SLC10A6: variants seen among roughly 807,000 people sequenced by gnomAD.
The protein encoded by SLC10A6 is solute carrier family 10 member 6.
A neutral mutation model predicts 30.0 loss-of-function variants in SLC10A6; 27 were observed. That is an observed-to-expected ratio of 0.90 (90% CI 0.66 to 1.24). The LOEUF (loss-of-function observed/expected upper bound fraction) is 1.24. Among genes scored for constraint, SLC10A6 ranks in the 50% most tolerant of loss-of-function variants. The pLI is 0.00. For synonymous variants in SLC10A6, 166 were observed against 173.8 expected, an observed-to-expected ratio of 0.95 and a Z score of 0.36; for missense variants, 439 against 457.0, an observed-to-expected ratio of 0.96 and a Z score of 0.36.
chr4:86,825,356 A>C, intron 5 of SLC10A6, 64 bp downstream of exon 5: 2 of 1,487,600 alleles, frequency 1.3e-6, no homozygotes, highest in Non-Finnish European at 1.8e-6. Flanking sequence ...TTGAAAAAAA[A>C]GTTGGTAAGT....
At chr4:86,840,680 C>A (rs1264795898) in intron 1 of SLC10A6, among the ~76,000 whole-genome samples, 1 of 152,064 alleles carries the variant, frequency 6.6e-6, no homozygotes, top group Non-Finnish European at 1.5e-5. Flanking sequence ...TGAAGTGTCA[C>A]CTTTATCATT....
chr4:86,824,878 T>A (rs986301890), intron 5 of SLC10A6, among the ~76,000 whole-genome samples: 4 of 152,204 alleles, frequency 2.6e-5, no homozygotes, highest in Non-Finnish European at 4.4e-5. Flanking sequence ...ACAAACATAA[T>A]AAAAGACTCC....
intron 5 of SLC10A6, among the ~76,000 whole-genome samples, chr4:86,824,576 AT>A (rs34050763): frequency 0.33 from 48,489 of 148,926 alleles, 8,199 homozygotes; most frequent in African/African-American, 0.44. Flanking sequence ...GAACATATAT[AT>A]TTTTTTTTTT....
intron 3 of SLC10A6, among the ~76,000 whole-genome samples, chr4:86,829,420 TGAAA>T (rs1208659696): frequency 1.3e-5 from 2 of 151,328 alleles, no homozygotes; most frequent in East Asian, 3.9e-4. Flanking sequence ...AAAAAAAAAA[TGAAA>T]GAAAGAAAGC....
In SLC10A6 at chr4:86,842,874, C is replaced by CTTTT. The variant is rs1170640534; in HGVS notation, c.377+5861_377+5864dup. Reference sequence around the variant, plus strand: ...TCTTTCTTTCTTTCTTTCTTTCTTTCTTTTTTTTTTTGAGATGGAGTCTCG... The same window carrying CTTTT: ...TCTTTCTTTCTTTCTTTCTTTCTTTCTTTTTTTTTTTTTTTGAGATGGAGTCTCG... On this transcript the variant is annotated intron_variant, in intron 1 of 5. Transcript: ENST00000273905. Among the ~76,000 whole-genome samples the CTTTT allele has an allele frequency of 2.1e-3, 90 of 42,778 alleles. 3 individuals carry two copies. The highest frequency in any genetic ancestry group is 2.6e-3 in the Non-Finnish European group (65 of 24,722). The allele number at this position is 42,778 out of a possible 152,430, so 28.1% of individuals were successfully genotyped here. A position where few individuals can be genotyped will look rare whatever the true frequency, so the allele number is the denominator to read the frequency against.
At chr4:86,840,667 T>C (rs961893139) in intron 1 of SLC10A6, among the ~76,000 whole-genome samples, 2 of 152,216 alleles carry the variant, frequency 1.3e-5, no homozygotes, top group African/African-American at 2.4e-5. Context: ...TTTTCCACTA[T>C]ACTGAAGTGT....
intron 1 of SLC10A6, among the ~76,000 whole-genome samples, chr4:86,848,530 A>T (rs544218956): frequency 6.6e-6 from 1 of 152,352 alleles, no homozygotes; most frequent in Admixed American, 6.5e-5. Flanking sequence ...TCAGAACAGT[A>T]GCCAATAAAG....
Position 86,825,413 on chromosome 4 carries a change from C to T in SLC10A6, c.919+7G>A, listed in dbSNP as rs1451063514. The T allele has an allele frequency of 1.3e-6, 2 of 1,583,062 alleles. No homozygotes were observed. Among genetic ancestry groups the T allele is most frequent in the South Asian group, 1.1e-5 (1 of 88,716 alleles). ...AGTTATTTCCTACCCAATGGGTGTTCACCCACCTGCAACAATAAGAAATCC... is the reference window on the plus strand; with the variant it reads ...AGTTATTTCCTACCCAATGGGTGTTTACCCACCTGCAACAATAAGAAATCC... On this transcript the variant is annotated splice_region_variant and intron_variant, in intron 5 of 5. Transcript: ENST00000273905.
At chr4:86,826,471 C>T (rs906112653) in intron 4 of SLC10A6, among the ~76,000 whole-genome samples, 12 of 151,986 alleles carry the variant, frequency 7.9e-5, no homozygotes, top group Non-Finnish European at 1.5e-4. Flanking sequence ...ATCCCAGCTA[C>T]TCGGGAGGCT....
chr4:86,835,118 C>T (rs1746157548), intron 1 of SLC10A6, among the ~76,000 whole-genome samples: 1 of 152,118 alleles, frequency 6.6e-6, no homozygotes, highest in Non-Finnish European at 1.5e-5. Flanking sequence ...AGTTAGAATG[C>T]CACAAAGCTG....
In SLC10A6 at chr4:86,842,531, A is replaced by T. The variant is rs1035321514; in HGVS notation, c.377+6208T>A. 2.6e-5 allele frequency among the ~76,000 whole-genome samples: 4 copies of T among 152,214 alleles called. No homozygotes were observed. The South Asian group carries it at 8.3e-4, about 32-fold the overall frequency. The stretch of plus-strand genomic sequence containing the variant: ...ATAGTGAGACCTCATCTCTGTAATA[A>T]AAAATAAAAAATTAGCTGGGTATGA... On this transcript the variant is annotated intron_variant, in intron 1 of 5. Transcript: ENST00000273905.
At chr4:86,847,997 C>T (rs1746421202) in intron 1 of SLC10A6, among the ~76,000 whole-genome samples, 1 of 152,116 alleles carries the variant, frequency 6.6e-6, no homozygotes, top group Admixed American at 6.5e-5. Context: ...AAGCATGTGA[C>T]TAATTCATCC....
intron 3 of SLC10A6, 22 bp downstream of exon 3, chr4:86,831,770 C>G (rs374765403): frequency 1.9e-6 from 3 of 1,599,544 alleles, no homozygotes; most frequent in Non-Finnish European, 2.6e-6. Context: ...GACGTGCCAA[C>G]AGTGGCCATG....
chr4:86,844,231 A>G (rs553357482), intron 1 of SLC10A6, among the ~76,000 whole-genome samples: 1 of 152,322 alleles, frequency 6.6e-6, no homozygotes, highest in South Asian at 2.1e-4. Flanking sequence ...TGAAGCATAG[A>G]AAATGTGCAT....
intron 3 of SLC10A6, among the ~76,000 whole-genome samples, chr4:86,830,953 C>T (rs1297607948): frequency 6.6e-6 from 1 of 151,908 alleles, no homozygotes; most frequent in Non-Finnish European, 1.5e-5. Context: ...GTTAAGAATG[C>T]CTCCTCTTTA....
chr4:86,830,148 C>A (rs775334691), intron 3 of SLC10A6, among the ~76,000 whole-genome samples: 1 of 152,178 alleles, frequency 6.6e-6, no homozygotes, highest in Admixed American at 6.5e-5. Context: ...GTGATCCCAA[C>A]ACTTTGGGAG....
chr4:86,831,940 C>A, intron 2 of SLC10A6, 60 bp from the exon 3 acceptor site: 1 of 1,317,064 alleles, frequency 7.6e-7, no homozygotes, highest in South Asian at 1.2e-5. Flanking sequence ...CACAGTACTT[C>A]CCAACAACTT....
intron 1 of SLC10A6, among the ~76,000 whole-genome samples, chr4:86,837,225 GAGAAAGAA>G (rs530121412): frequency 0.012 from 458 of 39,060 alleles, 24 homozygotes; most frequent in Middle Eastern, 0.022. Context: ...GAGAGAGAGA[GAGAAAGAA>G]AGAAAGAAAG....
intron 3 of SLC10A6, among the ~76,000 whole-genome samples, chr4:86,828,463 C>CTAT (rs1746032066): frequency 6.6e-6 from 1 of 151,940 alleles, no homozygotes; most frequent in Non-Finnish European, 1.5e-5. Flanking sequence ...TAGTAGAGTT[C>CTAT]TATTGTGGGT....
Sources: gnomAD v4.1 joint callset for allele counts (sites outside exome capture counted in the v4.1 genomes callset) on GRCh38, gnomAD v4.1.1 for gene constraint, MANE v1.5 for transcripts, NCBI Gene and HGNC (gene_info 2026-07-23, HGNC 2026-07-21) for gene names.